FRAS1: variants seen among roughly 807,000 people sequenced by gnomAD.
FRAS1 encodes the protein Fraser extracellular matrix complex subunit 1, also known as extracellular matrix organizing protein FRAS1.
In FRAS1, 290 loss-of-function variants were observed where a neutral mutation model predicts 435.2. The ratio of observed to expected loss-of-function variants is 0.67; its 90% CI spans 0.61 to 0.73. The LOEUF (loss-of-function observed/expected upper bound fraction) is 0.73, where lower values mean the gene tolerates loss of function less well. FRAS1 is among the 30% of genes least tolerant of loss of function. The probability of loss-of-function intolerance (pLI) is 0.00; values close to 1 mark genes in which losing one functional copy is unlikely to be tolerated. For missense variants in FRAS1, 4,860 were observed against 5,001.5 expected (o/e 0.97, Z 0.85); for synonymous variants, 1,800 against 1,851.0 (o/e 0.97, Z 0.71).
At chr4:78,262,289 C>G (rs1194944079) in intron 6 of FRAS1, among the ~76,000 whole-genome samples, 1 of 152,192 alleles carries the variant, frequency 6.6e-6, no homozygotes. Context: ...ATCACTCCCT[C>G]TTCTTCCCCA....
chr4:78,058,103 CGT>C lies in FRAS1; in HGVS notation c.76+34_76+35del, dbSNP rs71214392. Reference sequence around the variant, plus strand: ...TTCCGAAGGTGAGAGAGCGGTGCCGCGTGTGTGTGTGTGTGTGCGTGTGCGTG... The same window carrying C: ...TTCCGAAGGTGAGAGAGCGGTGCCGCGTGTGTGTGTGTGTGCGTGTGCGTG... On this transcript the variant is annotated intron_variant, in intron 1 of 73. Coordinates refer to ENST00000512123, the MANE Select transcript of FRAS1 (RefSeq NM_025074.7). The C allele has an allele frequency of 0.014, 19,049 of 1,385,836 alleles. 1 individual carries two copies. Among genetic ancestry groups the C allele is most frequent in the South Asian group, 0.024 (1,814 of 75,492 alleles). The allele number at this position is 1,385,836 out of a possible 1,614,324, so 85.8% of individuals were successfully genotyped here. A position where few individuals can be genotyped will look rare whatever the true frequency, so the allele number is the denominator to read the frequency against.
chr4:78,363,305 C>G (rs890947052), intron 20 of FRAS1, among the ~76,000 whole-genome samples: 1 of 152,212 alleles, frequency 6.6e-6, no homozygotes, highest in African/African-American at 2.4e-5. Context: ...AATCACTGTG[C>G]TGGGCCTGGC....
intron 68 of FRAS1, among the ~76,000 whole-genome samples, chr4:78,522,104 C>T (rs1338113221): frequency 2.0e-5 from 3 of 151,846 alleles, no homozygotes; most frequent in East Asian, 3.9e-4. Flanking sequence ...TAAAATATTC[C>T]CCCTACTTTT....
At position 78,537,311 on chromosome 4, in the gene FRAS1, A is replaced by G. The variant is rs536872768; in HGVS notation, c.11298+111A>G. On this transcript the variant is annotated intron_variant, in intron 72 of 73. Coordinates refer to ENST00000512123, the MANE Select transcript of FRAS1 (RefSeq NM_025074.7). ...GCTCACTCTTGATATTTTCTTCTCT[A>G]TATATGTTTGTGTTGTTGTTTCTTT... 20 of 1,018,680 alleles carry G rather than the reference A, an allele frequency of 2.0e-5. No homozygotes were observed. In the South Asian group the frequency reaches 2.7e-4, roughly 14 times the overall value. 63.1% of individuals were successfully genotyped at this position (1,018,680 alleles called of 1,614,324 possible).
chr4:78,333,554 A>C, intron 19 of FRAS1, 142 bp downstream of exon 19: 1 of 827,418 alleles, frequency 1.2e-6, no homozygotes. Context: ...GCAGATTCAA[A>C]GTATAGAGGG....
intron 2 of FRAS1, among the ~76,000 whole-genome samples, chr4:78,070,292 A>T (rs1475386823): frequency 6.6e-6 from 1 of 151,222 alleles, no homozygotes; most frequent in Admixed American, 6.6e-5. Context: ...CCCACTTTGT[A>T]TTGTGTTGTG....
intron 35 of FRAS1, among the ~76,000 whole-genome samples, chr4:78,428,575 G>A (rs188595929): frequency 0.011 from 1,617 of 152,218 alleles, 33 homozygotes; most frequent in South Asian, 0.046. Context: ...CGCCTGCCTC[G>A]GCCTCCCAGA....
chr4:78,233,375 C>G (rs1724596177), intron 2 of FRAS1, among the ~76,000 whole-genome samples: 1 of 152,172 alleles, frequency 6.6e-6, no homozygotes, highest in Non-Finnish European at 1.5e-5. Context: ...CTCCCTTATT[C>G]AACAATGTTC....
chr4:78,422,889 G>A (rs954855999), intron 34 of FRAS1, among the ~76,000 whole-genome samples: 1 of 152,144 alleles, frequency 6.6e-6, no homozygotes, highest in Non-Finnish European at 1.5e-5. Context: ...GTAGCCATGG[G>A]CATGCAGGCA....
At chr4:78,335,242 G>A (rs1730126928) in intron 19 of FRAS1, among the ~76,000 whole-genome samples, 1 of 152,110 alleles carries the variant, frequency 6.6e-6, no homozygotes. Context: ...GAGGATTGCT[G>A]GGCAGCTCTT....
intron 2 of FRAS1, among the ~76,000 whole-genome samples, chr4:78,204,184 A>G (rs189243870): frequency 6.6e-6 from 1 of 152,222 alleles, no homozygotes; most frequent in African/African-American, 2.4e-5. Flanking sequence ...GTTGATGAAA[A>G]TGTTGTGATC....
At chr4:78,450,463 T>A in intron 45 of FRAS1, 124 bp downstream of exon 45, 1 of 765,468 alleles carries the variant, frequency 1.3e-6, no homozygotes. Context: ...GGAGCTTCAT[T>A]TGTTCTCTTC....
intron 2 of FRAS1, among the ~76,000 whole-genome samples, chr4:78,212,315 C>T (rs1303009685): frequency 4.6e-5 from 7 of 152,238 alleles, no homozygotes; most frequent in Non-Finnish European, 4.4e-5. Context: ...TTTTGTGCAT[C>T]GTCTTCCCTT....
intron 17 of FRAS1, among the ~76,000 whole-genome samples, 181 bp downstream of exon 17, chr4:78,317,689 A>G (rs903221421): frequency 2.6e-5 from 4 of 152,150 alleles, no homozygotes; most frequent in Non-Finnish European, 5.9e-5. Flanking sequence ...AAAAAATTTT[A>G]TTTGAAAATT....
At chr4:78,379,651 AAAC>A (rs1731929504) in intron 26 of FRAS1, 72 bp from the exon 27 acceptor site, 1 of 1,445,836 alleles carries the variant, frequency 6.9e-7, no homozygotes, top group African/African-American at 1.4e-5. Flanking sequence ...CTGAAAAAAT[AAAC>A]AAAATAAGGG....
At chr4:78,341,092 C>A (rs550226601) in intron 20 of FRAS1, among the ~76,000 whole-genome samples, 4 of 151,764 alleles carry the variant, frequency 2.6e-5, no homozygotes, top group South Asian at 2.1e-4. Flanking sequence ...TGGAACAGGA[C>A]CCTGACCCAC....
intron 47 of FRAS1, 54 bp downstream of exon 47, chr4:78,452,408 T>C (rs1719054634): frequency 1.5e-6 from 2 of 1,377,402 alleles, no homozygotes; most frequent in East Asian, 4.7e-5. Context: ...TTAGTAAGTA[T>C]TGAGGGCAGC....
In FRAS1 at chr4:78,218,829, A is replaced by G. The variant is rs114898316; in HGVS notation, c.109-18681A>G. ...GACACATGTAGTTTGCTTGCATCCA[A>G]ATATTCTGAGTCTGCCTTCTCTGTG... On this transcript the variant is annotated intron_variant, in intron 2 of 73. Coordinates refer to ENST00000512123, the MANE Select transcript of FRAS1 (RefSeq NM_025074.7). Among the ~76,000 whole-genome samples, 593 of 152,314 alleles carry G rather than the reference A, an allele frequency of 3.9e-3. 6 individuals carry two copies. The highest frequency in any genetic ancestry group is 0.013 in the African/African-American group (541 of 41,572).
chr4:78,154,429 T>C (rs1202577095), intron 2 of FRAS1, among the ~76,000 whole-genome samples: 1 of 152,262 alleles, frequency 6.6e-6, no homozygotes, highest in Admixed American at 6.5e-5. Flanking sequence ...ATTTTTACCA[T>C]GGAATTTTGT....
Sources: allele counts gnomAD v4.1 joint callset (sites outside exome capture counted in the v4.1 genomes callset), GRCh38; gene constraint gnomAD v4.1.1; transcripts MANE v1.5; gene names NCBI Gene and HGNC (gene_info 2026-07-23, HGNC 2026-07-21).